NTM: variants seen among roughly 807,000 people sequenced by gnomAD.
NTM encodes IgLON family member 2.
A neutral mutation model predicts 42.1 loss-of-function variants in NTM; 13 were observed. That is an observed-to-expected ratio of 0.31 (90% CI 0.20 to 0.49). The LOEUF is 0.49. NTM is among the 20% of genes least tolerant of loss of function. NTM has a pLI of 0.99. For missense variants in NTM, 373 were observed against 452.8 expected (o/e 0.82, Z 1.60); for synonymous variants, 187 against 179.2 (o/e 1.04, Z -0.35).
Position 132,313,292 on chromosome 11 carries a change from G to A in NTM, c.783-1260G>A, listed in dbSNP as rs574593016. Among the ~76,000 whole-genome samples, 4 of 152,038 alleles carry A rather than the reference G, an allele frequency of 2.6e-5. No homozygotes were observed. In the South Asian group the frequency reaches 6.2e-4, roughly 24 times the overall value. The stretch of plus-strand genomic sequence containing the variant: ...TTCCTCATCATTGTCAAACAGCCTT[G>A]AGTACTGTTTGTTTTTCTCAATAGC... On this transcript the variant is annotated intron_variant, in intron 6 of 8. Transcript: ENST00000683400.
At chr11:132,079,768 C>T (rs1326611937) in intron 2 of NTM, among the ~76,000 whole-genome samples, 1 of 152,146 alleles carries the variant, frequency 6.6e-6, no homozygotes, top group African/African-American at 2.4e-5. Context: ...GAAGTAGGAC[C>T]TTGCTCTCTT....
chr11:132,151,573 A>G (rs1391996352), intron 3 of NTM, among the ~76,000 whole-genome samples: 3 of 152,250 alleles, frequency 2.0e-5, no homozygotes, highest in African/African-American at 7.2e-5. Flanking sequence ...TCAGTTTTCC[A>G]GGCCCTAGCT....
rs111840296 is a variant in NTM, at chr11:131,412,088, G to A, written c.82+41200G>A. On this transcript the variant is annotated intron_variant, in intron 1 of 8. Coordinates refer to ENST00000683400, the MANE Select transcript of NTM (RefSeq NM_001352005.2). ...TTTCAGTGTCAATGCAATTCTAAGAGCAAATTTCCTTTCATTGTATTGAAC... is the reference window on the plus strand; with the variant it reads ...TTTCAGTGTCAATGCAATTCTAAGAACAAATTTCCTTTCATTGTATTGAAC... 9.8e-3 allele frequency among the ~76,000 whole-genome samples: 1,494 copies of A among 152,212 alleles called. 23 individuals are homozygous for A. The highest frequency in any genetic ancestry group is 0.034 in the African/African-American group (1,416 of 41,542).
chr11:132,120,683 G>A (rs948813276), intron 2 of NTM, among the ~76,000 whole-genome samples: 4 of 152,146 alleles, frequency 2.6e-5, no homozygotes, highest in African/African-American at 4.8e-5. Flanking sequence ...CCCTGCTTAG[G>A]GTTCTGCAAG....
chr11:132,195,667 TCTAA>T (rs1225306219), intron 3 of NTM, among the ~76,000 whole-genome samples: 1 of 152,128 alleles, frequency 6.6e-6, no homozygotes, highest in Non-Finnish European at 1.5e-5. Flanking sequence ...CCTACAATCA[TCTAA>T]CTGTTAATAA....
At chr11:131,646,260 G>A (rs1400180693) in intron 1 of NTM, among the ~76,000 whole-genome samples, 1 of 152,188 alleles carries the variant, frequency 6.6e-6, no homozygotes, top group Middle Eastern at 3.2e-3. Context: ...CAACAGCAGA[G>A]CTGAATAGTT....
chr11:132,271,045 A>C (rs1477541905), intron 4 of NTM, among the ~76,000 whole-genome samples: 1 of 152,162 alleles, frequency 6.6e-6, no homozygotes, highest in Non-Finnish European at 1.5e-5. Flanking sequence ...ACAGAAACCC[A>C]TACCTTTTGT....
chr11:131,990,136 G>C (rs2066766656), intron 2 of NTM, among the ~76,000 whole-genome samples: 1 of 152,048 alleles, frequency 6.6e-6, no homozygotes, highest in Non-Finnish European at 1.5e-5. Flanking sequence ...ACATTTTATG[G>C]AGAAGAAAAC....
At chr11:132,004,398 C>A (rs2070217451) in intron 2 of NTM, among the ~76,000 whole-genome samples, 1 of 152,106 alleles carries the variant, frequency 6.6e-6, no homozygotes, top group South Asian at 2.1e-4. Flanking sequence ...TTTATTATAG[C>A]CTGATCCCTG....
At chr11:131,951,242 CT>C (rs936355207) in intron 2 of NTM, among the ~76,000 whole-genome samples, 3 of 151,594 alleles carry the variant, frequency 2.0e-5, no homozygotes, top group East Asian at 1.9e-4. Context: ...TCTCACTCAT[CT>C]TTTTTTTTCC....
At chr11:131,569,106 A>G (rs1423795828) in intron 1 of NTM, among the ~76,000 whole-genome samples, 1 of 151,634 alleles carries the variant, frequency 6.6e-6, no homozygotes, top group African/African-American at 2.4e-5. Context: ...GGCAACCCCT[A>G]ATCTGCTTTC....
intron 1 of NTM, among the ~76,000 whole-genome samples, chr11:131,637,357 C>T (rs896144351): frequency 1.3e-5 from 2 of 152,000 alleles, no homozygotes; most frequent in South Asian, 4.2e-4. Flanking sequence ...AATGTTTGTG[C>T]ATATTGAGGG....
At chr11:132,095,450 A>G (rs11222917) in intron 2 of NTM, among the ~76,000 whole-genome samples, 20,948 of 152,156 alleles carry the variant, frequency 0.14, 1,526 homozygotes, top group Middle Eastern at 0.17. Flanking sequence ...TTCAGGAAGC[A>G]CAAGGCTGTA....
At chr11:131,415,039 G>C in intron 1 of NTM, among the ~76,000 whole-genome samples, 1 of 152,316 alleles carries the variant, frequency 6.6e-6, no homozygotes, top group South Asian at 2.1e-4. Flanking sequence ...AGCCAGGTCA[G>C]ATTCTTCCCT....
chr11:132,225,284 G>A (rs913734273), intron 4 of NTM, among the ~76,000 whole-genome samples: 2 of 151,820 alleles, frequency 1.3e-5, no homozygotes, highest in African/African-American at 4.9e-5. Flanking sequence ...CCAATGCCAG[G>A]GAGAGGTAGT....
chr11:131,541,667 G>A (rs1028388706), intron 1 of NTM, among the ~76,000 whole-genome samples: 12 of 152,234 alleles, frequency 7.9e-5, no homozygotes, highest in African/African-American at 1.9e-4. Flanking sequence ...TGAGATCTCT[G>A]CTTCTCTTGT....
chr11:131,940,287 A>G (rs2059657221), intron 2 of NTM, among the ~76,000 whole-genome samples: 1 of 152,226 alleles, frequency 6.6e-6, no homozygotes, highest in Non-Finnish European at 1.5e-5. Context: ...CCACGACTAA[A>G]TAATACAATG....
intron 1 of NTM, among the ~76,000 whole-genome samples, chr11:131,443,371 A>G (rs568914688): frequency 6.6e-6 from 1 of 152,366 alleles, no homozygotes; most frequent in South Asian, 2.1e-4. Flanking sequence ...TGGTTGTATC[A>G]TATTTGGAGA....
Position 131,968,315 on chromosome 11 carries a change from A to G in NTM, c.167+56667A>G, listed in dbSNP as rs372731584. On this transcript the variant is annotated intron_variant, in intron 2 of 8. Transcript: ENST00000683400. The stretch of plus-strand genomic sequence containing the variant: ...TCTCCACGGTGTTTGCTCTCTGGAG[A>G]CAGAGGGACCATGCCACTGAATACA... Among the ~76,000 whole-genome samples the G allele has an allele frequency of 2.5e-4, 38 of 152,284 alleles. 1 individual carries two copies. The East Asian group carries it at 3.3e-3, about 13-fold the overall frequency.
Sources: gnomAD v4.1 joint callset for allele counts (sites outside exome capture counted in the v4.1 genomes callset) on GRCh38, gnomAD v4.1.1 for gene constraint, MANE v1.5 for transcripts, NCBI Gene and HGNC (gene_info 2026-07-23, HGNC 2026-07-21) for gene names.